OPHN1: variants seen among roughly 807,000 people sequenced by gnomAD.
OPHN1 encodes the protein oligophrenin 1.
OPHN1 carries 11 observed loss-of-function variants against 60.7 expected under a neutral mutation model. That is an observed-to-expected ratio of 0.18 (90% CI 0.11 to 0.30). The LOEUF (loss-of-function observed/expected upper bound fraction) is 0.30, where lower values mean the gene tolerates loss of function less well. OPHN1 is among the 10% of genes least tolerant of loss of function. The pLI is 1.00. For missense variants in OPHN1, 449 were observed against 611.0 expected (o/e 0.73, Z 2.80); for synonymous variants, 226 against 222.6 (o/e 1.02, Z -0.14).
chrX:68,247,123 T>C (rs1049974296), intron 5 of OPHN1, among the ~76,000 whole-genome samples: 2 of 111,171 alleles, frequency 1.8e-5, no homozygotes. Flanking sequence ...CACTGGCTAA[T>C]TTCAAATCGT....
intron 5 of OPHN1, among the ~76,000 whole-genome samples, chrX:68,246,395 G>C (rs2077806033): frequency 9.0e-6 from 1 of 111,386 alleles, no homozygotes; most frequent in African/African-American, 3.3e-5. Flanking sequence ...ACAAGGAGTG[G>C]GATAAAAAAC....
upstream of OPHN1, chrX:68,433,775 C>T (rs775400260): frequency 6.8e-6 from 2 of 296,236 alleles, no homozygotes; most frequent in Admixed American, 1.2e-4. Flanking sequence ...GACACTGCAG[C>T]GGGAAGAGGA....
chrX:68,333,403 G>A (rs977256238), intron 2 of OPHN1, among the ~76,000 whole-genome samples: 1 of 110,239 alleles, frequency 9.1e-6, no homozygotes, highest in Non-Finnish European at 1.9e-5. Context: ...TTGAGAGGCC[G>A]AGCAGGCAGA....
chrX:68,200,088 C>T (rs1156731497), intron 11 of OPHN1, among the ~76,000 whole-genome samples: 1 of 111,824 alleles, frequency 8.9e-6, no homozygotes, highest in East Asian at 2.8e-4. Flanking sequence ...TGGAGACCTA[C>T]AGACCAGGGT....
At chrX:68,367,085 G>A (rs935744973) in intron 2 of OPHN1, among the ~76,000 whole-genome samples, 1 of 110,702 alleles carries the variant, frequency 9.0e-6, no homozygotes, top group Non-Finnish European at 1.9e-5. Context: ...AGAGGCCGGG[G>A]ATGGTGGCTC....
Position 68,043,122 on chromosome X carries a change from C to CA in OPHN1, c.*4049dup, listed in dbSNP as rs1308202048. 2.7e-5 allele frequency: 1 copy of CA among 37,073 alleles called. No homozygotes were observed. The highest frequency in any genetic ancestry group is 1.2e-4 in the African/African-American group (1 of 8,516). The allele number at this position is 37,073 out of a possible 1,213,427, so 3.1% of individuals were successfully genotyped here. ...CATTCTCAGTAAACTATCGCAAGAA[C>CA]AAAAAACCAAACACCGCATATTCTC... is the stretch of plus-strand genomic sequence containing the variant. On this transcript the variant is annotated 3_prime_UTR_variant, in exon 25 of 25. Transcript: ENST00000355520.
intron 5 of OPHN1, among the ~76,000 whole-genome samples, chrX:68,259,997 T>C (rs1172718750): frequency 1.8e-5 from 2 of 111,865 alleles, no homozygotes; most frequent in Non-Finnish European, 3.8e-5. Flanking sequence ...AATGTTCTTT[T>C]CCATTTTTTG....
intron 6 of OPHN1, among the ~76,000 whole-genome samples, chrX:68,226,843 G>T (rs778281309): frequency 9.0e-6 from 1 of 111,403 alleles, no homozygotes; most frequent in Non-Finnish European, 1.9e-5. Flanking sequence ...AATAACCAGC[G>T]AACATCATAA....
At chrX:68,216,487 T>C (rs766918344) in intron 6 of OPHN1, among the ~76,000 whole-genome samples, 1 of 110,935 alleles carries the variant, frequency 9.0e-6, no homozygotes, top group East Asian at 2.8e-4. Flanking sequence ...CTAAAAGATA[T>C]CATTTTAAAT....
At chrX:68,373,082 C>T (rs1453880603) in intron 2 of OPHN1, among the ~76,000 whole-genome samples, 1 of 111,931 alleles carries the variant, frequency 8.9e-6, no homozygotes, top group East Asian at 2.8e-4. Context: ...CTACCACAGG[C>T]ACAATCACCT....
intron 15 of OPHN1, among the ~76,000 whole-genome samples, chrX:68,119,932 C>G (rs1039770874): frequency 4.5e-5 from 5 of 111,442 alleles, no homozygotes; most frequent in African/African-American, 1.6e-4. Context: ...CCCTTCTCTT[C>G]TTCTTAACAA....
intron 15 of OPHN1, chrX:68,133,524 T>G: frequency 2.2e-6 from 1 of 452,927 alleles, no homozygotes; most frequent in African/African-American, 2.4e-5. Flanking sequence ...TGACAACACA[T>G]TTCAGCTTCA....
chrX:68,073,782 T>C (rs1365590572), intron 19 of OPHN1, among the ~76,000 whole-genome samples: 1 of 112,108 alleles, frequency 8.9e-6, no homozygotes, highest in Non-Finnish European at 1.9e-5. Context: ...TCTGAAGGGA[T>C]ACCAAAGAAT....
chrX:68,063,868 G>A lies in OPHN1; in HGVS notation c.2144C>T (p.Ala715Val), dbSNP rs367788584. Residue 715 changes from alanine (A) to valine (V), a missense_variant, in exon 21 of 25, where the codon GCC becomes GTC. Transcript: ENST00000355520. ...CAAGCACTTACCCTCCTTGTGGTGG[G>A]CCAGGGGCCGGGGAGCTGGTCTCTT... Reference protein sequence around the residue: ...HIKRPAPRPLAHHKEGDADSF... With the variant: ...HIKRPAPRPLVHHKEGDADSF... 173 of 1,164,368 alleles carry A rather than the reference G, an allele frequency of 1.5e-4. No individual in the cohort carries two copies. The highest frequency in any genetic ancestry group is 2.0e-4 in the Non-Finnish European group (170 of 870,621).
At chrX:68,269,678 G>A (rs1798470765) in intron 5 of OPHN1, among the ~76,000 whole-genome samples, 1 of 111,703 alleles carries the variant, frequency 9.0e-6, no homozygotes, top group Non-Finnish European at 1.9e-5. Flanking sequence ...ATAGGCATGG[G>A]CAAGGACTTC....
chrX:68,379,062 T>A (rs1182136778), intron 2 of OPHN1, among the ~76,000 whole-genome samples: 79 of 111,190 alleles, frequency 7.1e-4, no homozygotes, highest in African/African-American at 2.3e-3. Context: ...TTCCTACCCA[T>A]GAGCATGGAA....
intron 15 of OPHN1, among the ~76,000 whole-genome samples, chrX:68,144,347 C>T (rs189583429): frequency 1.8e-4 from 20 of 110,592 alleles, no homozygotes; most frequent in Non-Finnish European, 3.0e-4. Flanking sequence ...ACTCAACTGA[C>T]TAGGCCATGT....
At chrX:68,331,207 GTTATATC>G (rs1387854528) in intron 2 of OPHN1, among the ~76,000 whole-genome samples, 1 of 104,934 alleles carries the variant, frequency 9.5e-6, no homozygotes, top group Non-Finnish European at 1.9e-5. Context: ...TTATATAATA[GTTATATC>G]TTATAATTAT....
intron 15 of OPHN1, among the ~76,000 whole-genome samples, chrX:68,119,581 G>A (rs1407455342): frequency 1.8e-5 from 2 of 111,736 alleles, no homozygotes; most frequent in African/African-American, 6.5e-5. Context: ...ACTCTTCTTA[G>A]ATTCATCAGA....
Sources: gnomAD v4.1 joint callset for allele counts (sites outside exome capture counted in the v4.1 genomes callset) on GRCh38, gnomAD v4.1.1 for gene constraint, MANE v1.5 for transcripts, NCBI Gene and HGNC (gene_info 2026-07-23, HGNC 2026-07-21) for gene names.